CNTNAP5: variants seen among roughly 807,000 people sequenced by gnomAD.
CNTNAP5 encodes the protein contactin associated protein family member 5.
CNTNAP5 carries 72 observed loss-of-function variants against 150.2 expected under a neutral mutation model. That is an observed-to-expected ratio of 0.48 (90% CI 0.40 to 0.58). The LOEUF (loss-of-function observed/expected upper bound fraction) is 0.58, where lower values mean the gene tolerates loss of function less well. Among genes scored for constraint, CNTNAP5 ranks in the 20% least tolerant of loss-of-function variants. The probability of loss-of-function intolerance (pLI) is 0.00; values close to 1 mark genes in which losing one functional copy is unlikely to be tolerated. For synonymous variants in CNTNAP5, 672 were observed against 619.8 expected (o/e 1.08, Z -1.25); for missense variants, 1,636 against 1,626.2 (o/e 1.01, Z -0.10).
intron 13 of CNTNAP5, among the ~76,000 whole-genome samples, chr2:124,691,311 A>C (rs1679296272): frequency 6.6e-6 from 1 of 152,062 alleles, no homozygotes; most frequent in Non-Finnish European, 1.5e-5. Context: ...TTTTATACAA[A>C]AAGTTGGTGG....
chr2:124,869,199 G>T (rs766763556), intron 20 of CNTNAP5, among the ~76,000 whole-genome samples: 4 of 152,134 alleles, frequency 2.6e-5, no homozygotes, highest in Non-Finnish European at 5.9e-5. Flanking sequence ...CCCAGGAAAA[G>T]CTCTCTGCCC....
chr2:124,744,427 C>G (rs1680563855), intron 13 of CNTNAP5, among the ~76,000 whole-genome samples: 1 of 152,084 alleles, frequency 6.6e-6, no homozygotes, highest in Non-Finnish European at 1.5e-5. Context: ...CATGAAAATG[C>G]ACTAATACAA....
chr2:124,528,016 A>G (rs1319609650), intron 10 of CNTNAP5, among the ~76,000 whole-genome samples: 1 of 152,162 alleles, frequency 6.6e-6, no homozygotes, highest in African/African-American at 2.4e-5. Context: ...GGCTCTTCTT[A>G]TATTAGAAGT....
chr2:124,454,776 C>T (rs534169871), intron 6 of CNTNAP5, among the ~76,000 whole-genome samples: 24 of 152,086 alleles, frequency 1.6e-4, no homozygotes, highest in African/African-American at 5.8e-4. Context: ...AATTAAATAA[C>T]CCACTCCTGA....
At chr2:124,224,209 G>A (rs1330050176) in intron 2 of CNTNAP5, among the ~76,000 whole-genome samples, 1 of 152,062 alleles carries the variant, frequency 6.6e-6, no homozygotes, top group African/African-American at 2.4e-5. Flanking sequence ...CTACATTGGA[G>A]GAATTCATGA....
At chr2:124,296,450 A>G (rs1159037374) in intron 3 of CNTNAP5, among the ~76,000 whole-genome samples, 2 of 152,242 alleles carry the variant, frequency 1.3e-5, no homozygotes, top group African/African-American at 4.8e-5. Context: ...AATGGAGGAC[A>G]TGAAATGGAT....
chr2:124,468,349 A>G (rs1693429857), intron 6 of CNTNAP5, among the ~76,000 whole-genome samples: 1 of 152,134 alleles, frequency 6.6e-6, no homozygotes, highest in Non-Finnish European at 1.5e-5. Context: ...AGAAGGCCCA[A>G]GAGTCCCTGG....
rs1281267698 is a variant in CNTNAP5, at chr2:124,747,785, CTTCTTT to C, written c.2234+403_2234+408del. Among the ~76,000 whole-genome samples the C allele has an allele frequency of 2.3e-4, 25 of 107,936 alleles. 1 individual carries two copies. The highest frequency in any genetic ancestry group is 8.9e-4 in the African/African-American group (24 of 26,876). The allele number at this position is 107,936 out of a possible 152,430, so 70.8% of individuals were successfully genotyped here. A position where few individuals can be genotyped will look rare whatever the true frequency, so the allele number is the denominator to read the frequency against. ...AAAGCACATGCCACCACTCCTAACT[CTTCTTT>C]TTTTTTTTTTTTTTTTTTTTTTTTT... On this transcript the variant is annotated intron_variant, in intron 14 of 23. Transcript: ENST00000682447.
At chr2:124,553,606 G>A (rs1041460904) in intron 10 of CNTNAP5, among the ~76,000 whole-genome samples, 2 of 151,872 alleles carry the variant, frequency 1.3e-5, no homozygotes, top group African/African-American at 4.8e-5. Context: ...ATGTTTTTCT[G>A]TAATATTTGC....
At chr2:124,838,797 AT>A (rs964738879) in intron 19 of CNTNAP5, among the ~76,000 whole-genome samples, 119 of 152,054 alleles carry the variant, frequency 7.8e-4, no homozygotes, top group South Asian at 7.1e-3. Flanking sequence ...TGAAACTTGC[AT>A]TTTTTTTCTT....
At chr2:124,401,198 A>G (rs1691416072) in intron 3 of CNTNAP5, among the ~76,000 whole-genome samples, 3 of 152,180 alleles carry the variant, frequency 2.0e-5, no homozygotes, top group Admixed American at 1.3e-4. Flanking sequence ...AGCAGAAGTC[A>G]CGCAAAATCC....
intron 3 of CNTNAP5, among the ~76,000 whole-genome samples, chr2:124,365,617 G>A (rs1690352763): frequency 6.6e-6 from 1 of 152,158 alleles, no homozygotes; most frequent in Non-Finnish European, 1.5e-5. Flanking sequence ...AAGATTTGCT[G>A]TAATTCCTTA....
At chr2:124,043,136 A>G (rs1397545006) in intron 1 of CNTNAP5, among the ~76,000 whole-genome samples, 1 of 152,194 alleles carries the variant, frequency 6.6e-6, no homozygotes, top group African/African-American at 2.4e-5. Flanking sequence ...AAGGAAAGTG[A>G]TAAAATCAGA....
In CNTNAP5 at chr2:124,226,573, C is replaced by A. The variant is rs559725057; in HGVS notation, c.187+4764C>A. ...AGTTTGCCTTTTAATTTTTTTAATT[C>A]TTTTTCTTTTTTGTACAGAAGGTTT... On this transcript the variant is annotated intron_variant, in intron 2 of 23. Transcript: ENST00000682447. 1.6e-3 allele frequency among the ~76,000 whole-genome samples: 236 copies of A among 151,858 alleles called. 2 individuals carry two copies. Among genetic ancestry groups the A allele is most frequent in the African/African-American group, 5.0e-3 (209 of 41,410 alleles).
chr2:124,056,357 G>T (rs1244631101), intron 1 of CNTNAP5, among the ~76,000 whole-genome samples: 2 of 152,296 alleles, frequency 1.3e-5, no homozygotes, highest in Middle Eastern at 3.4e-3. Context: ...AGGCACGGTG[G>T]CTCACGCCTG....
At chr2:124,470,358 A>G (rs1693479808) in intron 6 of CNTNAP5, among the ~76,000 whole-genome samples, 1 of 152,050 alleles carries the variant, frequency 6.6e-6, no homozygotes, top group African/African-American at 2.4e-5. Context: ...TGTTAGCTGC[A>G]TGTATGTCTT....
In CNTNAP5 at chr2:124,571,850, C is replaced by T. The variant is rs138836996; in HGVS notation, c.1756+8527C>T. 6.1e-3 allele frequency among the ~76,000 whole-genome samples: 928 copies of T among 151,480 alleles called. 1 individual carries two copies. Among genetic ancestry groups the T allele is most frequent in the Middle Eastern group, 0.027 (8 of 294 alleles). On this transcript the variant is annotated intron_variant, in intron 11 of 23. Coordinates refer to ENST00000682447, the MANE Select transcript of CNTNAP5 (RefSeq NM_001367498.1). ...ATCATAATGATTGGTAATTGTTAAA[C>T]GACTGGATAGATGTTTAGGGAGAAG...
At chr2:124,703,646 A>G (rs1447885686) in intron 13 of CNTNAP5, among the ~76,000 whole-genome samples, 1 of 152,166 alleles carries the variant, frequency 6.6e-6, no homozygotes, top group Non-Finnish European at 1.5e-5. Context: ...CATTTGGTAT[A>G]TTCAAACCAT....
At chr2:124,244,627 G>A (rs529468166) in intron 3 of CNTNAP5, among the ~76,000 whole-genome samples, 1 of 152,234 alleles carries the variant, frequency 6.6e-6, no homozygotes, top group East Asian at 1.9e-4. Flanking sequence ...TAAGTACAGG[G>A]AGAAGTGATT....
Sources: gnomAD v4.1 joint callset for allele counts (sites outside exome capture counted in the v4.1 genomes callset) on GRCh38, gnomAD v4.1.1 for gene constraint, MANE v1.5 for transcripts, NCBI Gene and HGNC (gene_info 2026-07-23, HGNC 2026-07-21) for gene names.